Variants in ADAMTSL2 observed in about 807,000 individuals in gnomAD.
ADAMTSL2 encodes ADAMTS like 2, also known as ADAMTS-like protein 2.
In ADAMTSL2, 55 loss-of-function variants were observed where a neutral mutation model predicts 117.0. The observed-to-expected ratio is 0.47, with a 90% CI of 0.38 to 0.59. ADAMTSL2 has a LOEUF of 0.59. ADAMTSL2 is among the 20% of genes least tolerant of loss of function. ADAMTSL2 has a pLI of 0.00. For missense variants in ADAMTSL2, 1,182 were observed against 1,354.5 expected (o/e 0.87, Z 2.00); for synonymous variants, 572 against 566.4 (o/e 1.01, Z -0.14).
At chr9:133,539,686 G>GTCCCGGCTGTCCCGGCTGGCCCGGCTGTC in intron 4 of ADAMTSL2, 85 bp from the exon 5 acceptor site, 4 of 1,305,776 alleles carry the variant, frequency 3.1e-6, no homozygotes, top group Non-Finnish European at 4.3e-6. Flanking sequence ...TGTCCCGGCT[G>GTCCCGGCTGTCCCGGCTGGCCCGGCTGTC]CAGCCACTTC....
chr9:133,537,316 G>C, intron 2 of ADAMTSL2, 89 bp from the exon 3 acceptor site: 1 of 1,291,386 alleles, frequency 7.7e-7, no homozygotes, highest in Non-Finnish European at 1.0e-6. Context: ...TGGTCCCGCT[G>C]ACGGTGATAC....
Position 133,547,026 on chromosome 9 carries a change from T to C in ADAMTSL2, c.764-12T>C. The C allele has an allele frequency of 6.2e-7, 1 of 1,613,662 alleles. No homozygotes were observed. The highest frequency in any genetic ancestry group is 8.5e-7 in the Non-Finnish European group (1 of 1,179,688). On this transcript the variant is annotated splice_polypyrimidine_tract_variant and intron_variant, in intron 8 of 18. Coordinates refer to ENST00000651351, the MANE Select transcript of ADAMTSL2 (RefSeq NM_014694.4). Reference sequence around the variant, plus strand: ...GTTTGGCCTTTTGTGACCGGCGGCTTTGCCCTTCCAGCTCTTGCAGACGAA... The same window carrying C: ...GTTTGGCCTTTTGTGACCGGCGGCTCTGCCCTTCCAGCTCTTGCAGACGAA...
intron 11 of ADAMTSL2, 55 bp downstream of exon 11, chr9:133,555,985 C>T (rs776574452): frequency 0.029 from 46,309 of 1,589,598 alleles, 813 homozygotes; most frequent in Non-Finnish European, 0.036. Context: ...AGGATGGGGC[C>T]GAGGCCAGGT....
chr9:133,548,678 T>C (rs1017305835), intron 9 of ADAMTSL2, among the ~76,000 whole-genome samples: 5 of 152,128 alleles, frequency 3.3e-5, no homozygotes, highest in African/African-American at 1.2e-4. Context: ...CATCACATAC[T>C]GCCAGGTGTA....
chr9:133,561,248 G>A lies in ADAMTSL2; in HGVS notation c.1700G>A (p.Arg567Gln), dbSNP rs1830721451. The A allele has an allele frequency of 2.5e-6, 4 of 1,608,110 alleles. No homozygotes were observed. The highest frequency in any genetic ancestry group is 3.4e-6 in the Non-Finnish European group (4 of 1,177,842). Reference sequence around the variant, plus strand: ...GGCGTGAGTCCCGCGGACATGTACCGGTGGAAGCTCTCGTCCCACGAGCCC... The same window carrying A: ...GGCGTGAGTCCCGCGGACATGTACCAGTGGAAGCTCTCGTCCCACGAGCCC... ...KQGVSPADMY[R>Q]WKLSSHEPCS... The change falls in exon 12 of 19, where the codon CGG becomes CAG. Residue 567 changes from arginine to glutamine, a missense_variant. Arg to Gln is a conservative substitution (Grantham distance 43). Around this residue, in one of 3 missense-constraint regions of ADAMTSL2, gnomAD observed 465 missense variants for 565.3 expected, o/e 0.82. Transcript: ENST00000651351.
intron 17 of ADAMTSL2, 139 bp downstream of exon 17, chr9:133,570,646 A>G: frequency 1.0e-6 from 1 of 961,784 alleles, no homozygotes; most frequent in Non-Finnish European, 1.6e-6. Flanking sequence ...CCTTCCCGGG[A>G]AAGCTTCTCA....
At chr9:133,542,254 G>A (rs1830242476) in intron 7 of ADAMTSL2, among the ~76,000 whole-genome samples, 1 of 152,250 alleles carries the variant, frequency 6.6e-6, no homozygotes, top group Non-Finnish European at 1.5e-5. Context: ...ACAAGGGACA[G>A]GCAGGGGTGT....
At chr9:133,545,344 C>G (rs1434452782) in intron 8 of ADAMTSL2, among the ~76,000 whole-genome samples, 4 of 152,194 alleles carry the variant, frequency 2.6e-5, no homozygotes, top group African/African-American at 9.7e-5. Context: ...TTTACTCCCC[C>G]CACTGCCTCC....
At position 133,570,496 on chromosome 9, in the gene ADAMTSL2, C is replaced by A; in HGVS notation, c.2581C>A (p.Pro861Thr). 5 of 1,611,744 alleles carry A rather than the reference C, an allele frequency of 3.1e-6. No individual in the cohort carries two copies. The South Asian group carries it at 5.5e-5, about 18-fold the overall frequency. The change falls in exon 17 of 19, where the codon CCC becomes ACC. Residue 861 changes from proline to threonine, a missense_variant. Physicochemically the swap from Pro to Thr is conservative, Grantham distance 38. This residue lies in a region of ADAMTSL2 where 465 missense variants were observed against 565.3 expected (regional missense o/e 0.82). Coordinates refer to ENST00000651351, the MANE Select transcript of ADAMTSL2 (RefSeq NM_014694.4). ...ERPCFKWYTS[P>T]WSECTKTCGV... ...GCCCTGCTTCAAGTGGTACACCAGC[C>A]CCTGGTCAGAGGTGAGCTCCCAGCC...
At chr9:133,533,899 C>A (rs1173773242), upstream of ADAMTSL2, among the ~76,000 whole-genome samples, 1 of 152,136 alleles carries the variant, frequency 6.6e-6, no homozygotes, top group African/African-American at 2.4e-5. Flanking sequence ...TGTGCAGAGG[C>A]TAGGTGCCCA....
rs778178248 is a variant in ADAMTSL2, at chr9:133,544,505, C to A, written c.718C>A (p.Arg240=). 5.0e-6 allele frequency: 8 copies of A among 1,614,026 alleles called. No individual in the cohort carries two copies. The Admixed American group carries it at 6.7e-5, about 13-fold the overall frequency. The part of the protein sequence containing the change: ...SLVTHIPAGA[R]DIQIVERKKS... Reference sequence around the variant, plus strand: ...GGTGACCCACATCCCGGCTGGTGCCCGAGACATCCAGATTGTAGAGAGGAA... The same window carrying A: ...GGTGACCCACATCCCGGCTGGTGCCAGAGACATCCAGATTGTAGAGAGGAA... Residue 240 remains arginine, a synonymous_variant, in exon 8 of 19, where the codon CGA becomes AGA. Coordinates refer to ENST00000651351, the MANE Select transcript of ADAMTSL2 (RefSeq NM_014694.4).
In ADAMTSL2 at chr9:133,540,072, G is replaced by A. The variant is rs1830175618; in HGVS notation, c.412+199G>A. ...CTCCCCCATGACCCATGACATCAACGCAGGACAGATTACGGGACTGAGTTC... is the reference window on the plus strand; with the variant it reads ...CTCCCCCATGACCCATGACATCAACACAGGACAGATTACGGGACTGAGTTC... On this transcript the variant is annotated intron_variant, in intron 5 of 18. Transcript: ENST00000651351. Among the ~76,000 whole-genome samples, 5 of 152,152 alleles carry A rather than the reference G, an allele frequency of 3.3e-5. No homozygotes were observed. In the South Asian group the frequency reaches 6.2e-4, roughly 19 times the overall value.
At chr9:133,547,303 C>A (rs1020538539) in intron 9 of ADAMTSL2, 90 bp downstream of exon 9, 5 of 1,365,814 alleles carry the variant, frequency 3.7e-6, no homozygotes, top group African/African-American at 1.4e-5. Flanking sequence ...CAGCCCGTGA[C>A]GCCCCCAGGG....
chr9:133,570,008 C>T (rs1831067366), intron 16 of ADAMTSL2, among the ~76,000 whole-genome samples: 1 of 152,258 alleles, frequency 6.6e-6, no homozygotes, highest in African/African-American at 2.4e-5. Flanking sequence ...TTTCAACCAG[C>T]AGCTCCCGGC....
rs562213175 is a variant in ADAMTSL2, at chr9:133,570,520, C to T, written c.2592+13C>T. ...CCCCTGGTCAGAGGTGAGCTCCCAG[C>T]CGGCCCCTCTGAGGTTGCCTGAGGC... On this transcript the variant is annotated intron_variant, in intron 17 of 18. Transcript: ENST00000651351. 1.7e-3 allele frequency: 2,782 copies of T among 1,607,964 alleles called. 6 individuals are homozygous for T. Among genetic ancestry groups the T allele is most frequent in the Non-Finnish European group, 2.1e-3 (2,493 of 1,177,894 alleles).
chr9:133,562,124 C>A (rs1285949531), intron 12 of ADAMTSL2, among the ~76,000 whole-genome samples: 1 of 152,232 alleles, frequency 6.6e-6, no homozygotes, highest in African/African-American at 2.4e-5. Context: ...CCAGTGCCAC[C>A]CATTTGCCAG....
In ADAMTSL2 at chr9:133,540,704, C is replaced by G; in HGVS notation, c.519C>G (p.Leu173=). ...VPARDGTSCK[L]TDLRGVCVSG... Reference sequence around the variant, plus strand: ...CCCGCGACGGCACATCCTGCAAGCTCACTGACCTGCGAGGGGTTTGCGTGT... The same window carrying G: ...CCCGCGACGGCACATCCTGCAAGCTGACTGACCTGCGAGGGGTTTGCGTGT... Residue 173 remains leucine, a synonymous_variant, in exon 6 of 19, where the codon CTC becomes CTG. Transcript: ENST00000651351. 1 of 1,613,924 alleles carries G rather than the reference C, an allele frequency of 6.2e-7. No individual in the cohort carries two copies. Among genetic ancestry groups the G allele is most frequent in the Non-Finnish European group, 8.5e-7 (1 of 1,180,052 alleles).
Position 133,574,742 on chromosome 9 carries a change from C to T in ADAMTSL2, c.2738-4C>T, listed in dbSNP as rs1166320985. ...CCCTGCTTCGCTCTGTGTTCCTTCT[C>T]CAGATGACAGCTGCCAGGACCAGCC... On this transcript the variant is annotated splice_polypyrimidine_tract_variant and splice_region_variant and intron_variant, in intron 18 of 18. Coordinates refer to ENST00000651351, the MANE Select transcript of ADAMTSL2 (RefSeq NM_014694.4). The T allele has an allele frequency of 1.9e-6, 3 of 1,612,710 alleles. No individual in the cohort carries two copies. Among genetic ancestry groups the T allele is most frequent in the Admixed American group, 1.7e-5 (1 of 60,004 alleles).
chr9:133,558,363 C>T lies in ADAMTSL2; in HGVS notation c.1649+2433C>T, dbSNP rs1830654259. 6.6e-6 allele frequency among the ~76,000 whole-genome samples: 1 copy of T among 152,172 alleles called. No individual in the cohort carries two copies. Among genetic ancestry groups the T allele is most frequent in the African/African-American group, 2.4e-5 (1 of 41,436 alleles). On this transcript the variant is annotated intron_variant, in intron 11 of 18. Transcript: ENST00000651351. The surrounding 1 kb of genome is among the most constrained non-coding windows in gnomAD (Gnocchi z 4.3). ...GCCGAGTTGTCCAAACACAGGAAGT[C>T]GTGTCTGCTCAGAGAAGGCAAAATC...
Sources: gnomAD v4.1 joint callset for allele counts (sites outside exome capture counted in the v4.1 genomes callset) on GRCh38, gnomAD v4.1.1 for gene constraint, gnomAD v4.1.1 regional missense constraint, Gnocchi (gnomAD v3.1) non-coding constraint, MANE v1.5 for transcripts, NCBI Gene and HGNC (gene_info 2026-07-23, HGNC 2026-07-21) for gene names.